The following SRF variants were observed in gnomAD, a reference collection of about 807,000 sequenced individuals.
SRF encodes the protein serum response factor.
A neutral mutation model predicts 37.1 loss-of-function variants in SRF; 7 were observed. That is an observed-to-expected ratio of 0.19 (90% CI 0.11 to 0.35). The LOEUF is 0.35. Ranked by LOEUF, SRF falls within the 10% of genes least tolerant of loss-of-function variation. The pLI is 1.00. For synonymous variants in SRF, 285 were observed against 310.1 expected (o/e 0.92, Z 0.85); for missense variants, 395 against 694.4 (o/e 0.57, Z 4.85).
rs1285242493 is a variant in SRF, at chr6:43,180,598, G to GGCCAT, written c.*1412_*1416dup. 6.6e-6 allele frequency: 1 copy of GGCCAT among 152,632 alleles called. No homozygotes were observed. Among genetic ancestry groups the GGCCAT allele is most frequent in the Non-Finnish European group, 1.5e-5 (1 of 68,082 alleles). 9.5% of individuals were successfully genotyped at this position (152,632 alleles called of 1,614,324 possible). A position where few individuals can be genotyped will look rare whatever the true frequency, so the allele number is the denominator to read the frequency against. ...TCAGTATTTATGTAATTTGTACAGG[G>GGCCAT]GCCATGCCCCACCCCCCTCCTCCCC... is the stretch of plus-strand genomic sequence containing the variant. On this transcript the variant is annotated 3_prime_UTR_variant, in exon 7 of 7. Coordinates refer to ENST00000265354, the MANE Select transcript of SRF (RefSeq NM_003131.4).
At chr6:43,174,783 T>A (rs1772167908) in intron 2 of SRF, among the ~76,000 whole-genome samples, 1 of 152,172 alleles carries the variant, frequency 6.6e-6, no homozygotes, top group Non-Finnish European at 1.5e-5. Context: ...TCAAGGGTCT[T>A]GGGCCCAGCT....
rs756224105 is a variant in SRF, at chr6:43,179,193, C to T, written c.*3C>T. 6.2e-6 allele frequency: 10 copies of T among 1,614,022 alleles called. No individual in the cohort carries two copies. The highest frequency in any genetic ancestry group is 5.3e-5 in the African/African-American group (4 of 74,938). Reference sequence around the variant, plus strand: ...CCCACAGCACCAAGAGTGAATGATCCGCCCGCCGCCCTGGACAGATGGCCC... The same window carrying T: ...CCCACAGCACCAAGAGTGAATGATCTGCCCGCCGCCCTGGACAGATGGCCC... On this transcript the variant is annotated 3_prime_UTR_variant, in exon 7 of 7. Coordinates refer to ENST00000265354, the MANE Select transcript of SRF (RefSeq NM_003131.4). This position sits in a 1 kb window ranked among gnomAD's most constrained non-coding sequence, Gnocchi z 5.3.
Position 43,179,175 on chromosome 6 carries a change from C to T in SRF, c.1512C>T (p.Ser504=), listed in dbSNP as rs201503404. The T allele has an allele frequency of 3.7e-6, 6 of 1,614,256 alleles. No homozygotes were observed. Residue 504 remains serine (S), a synonymous_variant, in exon 7 of 7, where the codon AGC becomes AGT. Transcript: ENST00000265354. The surrounding 1 kb of genome is among the most constrained non-coding windows in gnomAD (Gnocchi z 5.3). ...TGGTGAACCTGGACACCGCCCACAGCACCAAGAGTGAATGATCCGCCCGCC... is the reference window on the plus strand; with the variant it reads ...TGGTGAACCTGGACACCGCCCACAGTACCAAGAGTGAATGATCCGCCCGCC... ...LQVVNLDTAH[S]TKSE is the part of the protein sequence containing the mutation.
chr6:43,177,228 G>GTTT lies in SRF; in HGVS notation c.1162+576_1162+578dup, dbSNP rs544658252. Among the ~76,000 whole-genome samples the GTTT allele has an allele frequency of 1.2e-4, 14 of 116,800 alleles. 2 individuals are homozygous for GTTT. The highest frequency in any genetic ancestry group is 3.4e-4 in the African/African-American group (9 of 26,182). The allele number at this position is 116,800 out of a possible 152,430, so 76.6% of individuals were successfully genotyped here. On this transcript the variant is annotated intron_variant, in intron 4 of 6. Transcript: ENST00000265354. Reference sequence around the variant, plus strand: ...CCCCAAACCTAGTGAATCGGAGTCTGTTTTTTTTTTTTTTTTTGAGACGGA... The same window carrying GTTT: ...CCCCAAACCTAGTGAATCGGAGTCTGTTTTTTTTTTTTTTTTTTTTGAGACGGA...
chr6:43,177,781 G>T (rs1772232560), intron 4 of SRF, among the ~76,000 whole-genome samples: 1 of 151,654 alleles, frequency 6.6e-6, no homozygotes, highest in Admixed American at 6.6e-5. Context: ...CGGGCTTGAT[G>T]GCAGGCATCT....
chr6:43,171,391 G>T lies in SRF; in HGVS notation c.-266G>T, dbSNP rs1003273382. The T allele has an allele frequency of 4.3e-6, 1 of 230,290 alleles. No homozygotes were observed. Among genetic ancestry groups the T allele is most frequent in the African/African-American group, 2.3e-5 (1 of 43,428 alleles). The allele number at this position is 230,290 out of a possible 1,614,324, so 14.3% of individuals were successfully genotyped here. A position where few individuals can be genotyped will look rare whatever the true frequency, so the allele number is the denominator to read the frequency against. The stretch of plus-strand genomic sequence containing the variant: ...CAGCAGCCCCTGCCCCCCGGGGGAC[G>T]CTGACGGCCGCCCGGCGCGCCGCCC... On this transcript the variant is annotated 5_prime_UTR_variant, in exon 1 of 7. Coordinates refer to ENST00000265354, the MANE Select transcript of SRF (RefSeq NM_003131.4). This position sits in a 1 kb window ranked among gnomAD's most constrained non-coding sequence, Gnocchi z 6.5.
chr6:43,178,603 C>G lies in SRF; in HGVS notation c.1354+118C>G. 7.2e-7 allele frequency: 1 copy of G among 1,381,996 alleles called. No homozygotes were observed. The highest frequency in any genetic ancestry group is 1.0e-6 in the Non-Finnish European group (1 of 1,000,870). The allele number at this position is 1,381,996 out of a possible 1,614,324, so 85.6% of individuals were successfully genotyped here. A position where few individuals can be genotyped will look rare whatever the true frequency, so the allele number is the denominator to read the frequency against. On this transcript the variant is annotated intron_variant, in intron 5 of 6. Transcript: ENST00000265354. This position sits in a 1 kb window ranked among gnomAD's most constrained non-coding sequence, Gnocchi z 4.3. ...TACAAATATTTCTACCCAAATACAA[C>G]ACAGACTTGGATGCTCACACACACA...
At position 43,171,583 on chromosome 6, in the gene SRF, G is replaced by A; in HGVS notation, c.-74G>A. On this transcript the variant is annotated 5_prime_UTR_variant, in exon 1 of 7. Coordinates refer to ENST00000265354, the MANE Select transcript of SRF (RefSeq NM_003131.4). This position sits in a 1 kb window ranked among gnomAD's most constrained non-coding sequence, Gnocchi z 6.5. ...GCAGCGGGAGTGCCGGGTTGAGCCG[G>A]GAAGCCGATGGCGGCGGCTGCGGCG... The A allele has an allele frequency of 8.5e-7, 1 of 1,171,434 alleles. No individual in the cohort carries two copies. Among genetic ancestry groups the A allele is most frequent in the Non-Finnish European group, 1.1e-6 (1 of 946,410 alleles). 72.6% of individuals were successfully genotyped at this position (1,171,434 alleles called of 1,614,324 possible).
At position 43,179,607 on chromosome 6, in the gene SRF, A is replaced by G. The variant is rs1366553554; in HGVS notation, c.*417A>G. 4.1e-6 allele frequency: 1 copy of G among 245,728 alleles called. No homozygotes were observed. The highest frequency in any genetic ancestry group is 1.0e-4 in the East Asian group (1 of 9,560). 15.2% of individuals were successfully genotyped at this position (245,728 alleles called of 1,614,324 possible). On this transcript the variant is annotated 3_prime_UTR_variant, in exon 7 of 7. Coordinates refer to ENST00000265354, the MANE Select transcript of SRF (RefSeq NM_003131.4). This position sits in a 1 kb window ranked among gnomAD's most constrained non-coding sequence, Gnocchi z 5.3. Reference sequence around the variant, plus strand: ...TCTTGCCAGCCTCCTTGCTGACCCCAGGTCAGCCCTGTGTCTGTCACAGGC... The same window carrying G: ...TCTTGCCAGCCTCCTTGCTGACCCCGGGTCAGCCCTGTGTCTGTCACAGGC...
In SRF at chr6:43,178,834, A is replaced by G; in HGVS notation, c.1383A>G (p.Ala461=). ...GCGTCCCCCAGGTGTTCCTGACAGC[A>G]TCATCTGGGACAGTGCAGATCCCTG... ...PGGVPQVFLT[A]SSGTVQIPVS... is the part of the protein sequence containing the mutation. The change falls in exon 6 of 7, where the codon GCA becomes GCG. Residue 461 remains alanine (A), a synonymous_variant. Coordinates refer to ENST00000265354, the MANE Select transcript of SRF (RefSeq NM_003131.4). This position sits in a 1 kb window ranked among gnomAD's most constrained non-coding sequence, Gnocchi z 4.3. The G allele has an allele frequency of 6.2e-7, 1 of 1,614,246 alleles. No individual in the cohort carries two copies. Among genetic ancestry groups the G allele is most frequent in the Non-Finnish European group, 8.5e-7 (1 of 1,180,038 alleles).
Position 43,180,449 on chromosome 6 carries a change from C to G in SRF, c.*1259C>G, listed in dbSNP as rs1350222130. On this transcript the variant is annotated 3_prime_UTR_variant, in exon 7 of 7. Transcript: ENST00000265354. Reference sequence around the variant, plus strand: ...GAAGAAGTGGGAGCAGCTTCTTGGGCTGAGTGCAGCCAAAGGGGAGCCAGA... The same window carrying G: ...GAAGAAGTGGGAGCAGCTTCTTGGGGTGAGTGCAGCCAAAGGGGAGCCAGA... 3.9e-5 allele frequency: 6 copies of G among 152,646 alleles called. No homozygotes were observed. Among genetic ancestry groups the G allele is most frequent in the Admixed American group, 3.9e-4 (6 of 15,280 alleles). 9.5% of individuals were successfully genotyped at this position (152,646 alleles called of 1,614,324 possible).
chr6:43,177,737 A>G (rs1423552864), intron 4 of SRF, among the ~76,000 whole-genome samples: 1 of 151,278 alleles, frequency 6.6e-6, no homozygotes, highest in Non-Finnish European at 1.5e-5. Flanking sequence ...AACACGGTGA[A>G]ACTCCATCTC....
In SRF at chr6:43,172,567, G is replaced by GC. The variant is rs1206342139; in HGVS notation, c.513+399dup. 1 of 621,062 alleles carries GC rather than the reference G, an allele frequency of 1.6e-6. No individual in the cohort carries two copies. Among genetic ancestry groups the GC allele is most frequent in the African/African-American group, 2.0e-5 (1 of 50,084 alleles). 38.5% of individuals were successfully genotyped at this position (621,062 alleles called of 1,614,324 possible). A position where few individuals can be genotyped will look rare whatever the true frequency, so the allele number is the denominator to read the frequency against. Reference sequence around the variant, plus strand: ...GACGAGGGCGCCGGAAAAGCAGGGAGCAAACGAGAAGGTATGGAGGTGAGG... The same window carrying GC: ...GACGAGGGCGCCGGAAAAGCAGGGAGCCAAACGAGAAGGTATGGAGGTGAGG... On this transcript the variant is annotated intron_variant, in intron 1 of 6. Transcript: ENST00000265354. The surrounding 1 kb of genome is among the most constrained non-coding windows in gnomAD (Gnocchi z 5.7).
At position 43,172,223 on chromosome 6, in the gene SRF, C is replaced by A; in HGVS notation, c.513+54C>A. The stretch of plus-strand genomic sequence containing the variant: ...GGGGCCCGGTTGGGGTGGGGATGTG[C>A]AAAGGGAGCCCGGGAGGACCGCAGA... On this transcript the variant is annotated intron_variant, in intron 1 of 6. Coordinates refer to ENST00000265354, the MANE Select transcript of SRF (RefSeq NM_003131.4). This position sits in a 1 kb window ranked among gnomAD's most constrained non-coding sequence, Gnocchi z 5.7. 6.4e-7 allele frequency: 1 copy of A among 1,572,566 alleles called. No homozygotes were observed. Among genetic ancestry groups the A allele is most frequent in the Non-Finnish European group, 8.6e-7 (1 of 1,165,784 alleles).
Position 43,178,708 on chromosome 6 carries a change from T to G in SRF, c.1355-98T>G. On this transcript the variant is annotated intron_variant, in intron 5 of 6. Transcript: ENST00000265354. The surrounding 1 kb of genome is among the most constrained non-coding windows in gnomAD (Gnocchi z 4.3). ...ACCCTTTCCCTTGGGCTCTTACATCTGAGACTGCCCCAGTCACTTGTGCAT... is the reference window on the plus strand; with the variant it reads ...ACCCTTTCCCTTGGGCTCTTACATCGGAGACTGCCCCAGTCACTTGTGCAT... 7.1e-7 allele frequency: 1 copy of G among 1,406,940 alleles called. No individual in the cohort carries two copies. Among genetic ancestry groups the G allele is most frequent in the Non-Finnish European group, 1.0e-6 (1 of 996,848 alleles). 87.2% of individuals were successfully genotyped at this position (1,406,940 alleles called of 1,614,324 possible).
At position 43,175,828 on chromosome 6, in the gene SRF, C is replaced by T. The variant is rs371763251; in HGVS notation, c.903C>T (p.Asn301=). Residue 301 remains asparagine, a synonymous_variant, in exon 3 of 7, where the codon AAC becomes AAT. Coordinates refer to ENST00000265354, the MANE Select transcript of SRF (RefSeq NM_003131.4). ...VSSGPSFPIT[N]YLAPVSASVS... is the part of the protein sequence containing the mutation. ...GCGGCCCCTCCTTTCCCATCACCAA[C>T]TACCTGGCACCAGTGTCTGCTAGTG... is the stretch of plus-strand genomic sequence containing the variant. 1.9e-6 allele frequency: 3 copies of T among 1,614,102 alleles called. No homozygotes were observed. In the African/African-American group the frequency reaches 4.0e-5, roughly 22 times the overall value.
rs1047247353 is a variant in SRF at position 43,171,965 on chromosome 6, C to G, written c.309C>G (p.Ser103Arg). Residue 103 changes from serine (S) to arginine (R), a missense_variant, in exon 1 of 7, where the codon AGC becomes AGG. Ser to Arg is a moderately radical substitution (Grantham distance 110). Around this residue, in one of 4 missense-constraint regions of SRF, gnomAD observed 134 missense variants for 204.5 expected, o/e 0.66. Coordinates refer to ENST00000265354, the MANE Select transcript of SRF (RefSeq NM_003131.4). The surrounding 1 kb of genome is among the most constrained non-coding windows in gnomAD (Gnocchi z 6.5). ...GGCGCGGCCTGAAGCGGAGCCTGAG[C>G]GAGATGGAGATCGGTATGGTGGTCG... ...AERRGLKRSL[S>R]EMEIGMVVGG... 4.6e-6 allele frequency: 7 copies of G among 1,526,614 alleles called. No homozygotes were observed. The African/African-American group carries it at 5.6e-5, about 12-fold the overall frequency. 94.6% of individuals were successfully genotyped at this position (1,526,614 alleles called of 1,614,324 possible). A position where few individuals can be genotyped will look rare whatever the true frequency, so the allele number is the denominator to read the frequency against.
chr6:43,173,839 C>A lies in SRF; in HGVS notation c.514-8C>A. 6.2e-7 allele frequency: 1 copy of A among 1,610,864 alleles called. No individual in the cohort carries two copies. The highest frequency in any genetic ancestry group is 8.5e-7 in the Non-Finnish European group (1 of 1,177,486). ...GCTGACCTGCCCATCTCCCTCCTCA[C>A]CCCTCAGGCCTATGAGCTGTCCACG... On this transcript the variant is annotated splice_region_variant and splice_polypyrimidine_tract_variant and intron_variant, in intron 1 of 6. Coordinates refer to ENST00000265354, the MANE Select transcript of SRF (RefSeq NM_003131.4). This position sits in a 1 kb window ranked among gnomAD's most constrained non-coding sequence, Gnocchi z 4.2.
rs753300038 is a variant in SRF at position 43,175,914 on chromosome 6, C to T, written c.989C>T (p.Pro330Leu). 1.9e-6 allele frequency: 3 copies of T among 1,614,060 alleles called. No individual in the cohort carries two copies. ...GTVLKSTGSG[P>L]VSSGGLMQLP... ...GTGCTGAAGAGTACAGGCAGCGGCC[C>T]TGTCTCCTCTGGGGGCCTTATGCAG... Residue 330 changes from proline (P) to leucine (L), a missense_variant, in exon 3 of 7, where the codon CCT becomes CTT. Transcript: ENST00000265354.
Sources: allele counts gnomAD v4.1 joint callset (sites outside exome capture counted in the v4.1 genomes callset), GRCh38; gene constraint gnomAD v4.1.1; regional missense constraint gnomAD v4.1.1; non-coding constraint Gnocchi (gnomAD v3.1); transcripts MANE v1.5; gene names NCBI Gene and HGNC (gene_info 2026-07-23, HGNC 2026-07-21).